Variants in RTKN2 observed in about 807,000 individuals in gnomAD.
The protein encoded by RTKN2 is rhotekin-2.
Under a neutral mutation model 71.5 loss-of-function variants are expected in RTKN2, and 69 were observed. The observed-to-expected ratio is 0.96, with a 90% confidence interval of 0.79 to 1.18. The LOEUF is 1.18. Among genes scored for constraint, RTKN2 ranks in the 50% most tolerant of loss-of-function variants. The pLI is 0.00. For synonymous variants in RTKN2, 236 were observed against 236.5 expected (o/e 1.00, Z 0.02); for missense variants, 724 against 719.7 (o/e 1.01, Z -0.07).
chr10:62,234,163 G>T (rs1271241925), intron 6 of RTKN2, among the ~76,000 whole-genome samples: 1 of 152,072 alleles, frequency 6.6e-6, no homozygotes, highest in African/African-American at 2.4e-5. Flanking sequence ...CAGCTTAACG[G>T]TTTCCCACTG....
intron 6 of RTKN2, among the ~76,000 whole-genome samples, chr10:62,226,057 C>CA (rs1842016681): frequency 6.6e-6 from 1 of 152,176 alleles, no homozygotes; most frequent in African/African-American, 2.4e-5. Context: ...GCTGGGATTA[C>CA]AGGTGTGAGC....
chr10:62,251,212 C>T (rs1842574509), intron 2 of RTKN2, among the ~76,000 whole-genome samples: 1 of 152,156 alleles, frequency 6.6e-6, no homozygotes. Context: ...CACATCATCA[C>T]AAAAAGGGTA....
rs112383328 is a variant in RTKN2, at chr10:62,185,720, C to T, written c.862-1333G>A. ...GGTTTGGTTCCTTTAGGAAGAGACC[C>T]GGTTAACCTGACATCTGAATTCATG... On this transcript the variant is annotated intron_variant, in intron 8 of 8. Coordinates refer to the RTKN2 transcript ENST00000315289. 7.3e-3 allele frequency among the ~76,000 whole-genome samples: 1,118 copies of T among 152,296 alleles called. 16 individuals carry two copies. Among genetic ancestry groups the T allele is most frequent in the African/African-American group, 0.026 (1,067 of 41,560 alleles).
chr10:62,204,923 CA>C lies in RTKN2; in HGVS notation c.1119del (p.Phe373LeufsTer34). ...TGAAGATCTTCTCTATTGTCAACTG[CA>C]AAAATCTGAGTTATAGCTTGTCCAG... ...PVPGQAITQI[F>X]AVDNREDLQK... On this transcript the variant is annotated frameshift_variant, in exon 10 of 12. Coordinates refer to ENST00000373789, the MANE Select transcript of RTKN2 (RefSeq NM_145307.4). LOFTEE classifies it high-confidence loss of function. The C allele has an allele frequency of 6.2e-7, 1 of 1,602,380 alleles. No homozygotes were observed. The highest frequency in any genetic ancestry group is 1.1e-5 in the South Asian group (1 of 87,740).
intron 7 of RTKN2, among the ~76,000 whole-genome samples, chr10:62,221,381 T>G (rs1841902863): frequency 6.6e-6 from 1 of 151,714 alleles, no homozygotes; most frequent in African/African-American, 2.4e-5. Flanking sequence ...ACGGAATAGG[T>G]GAGACAAACA....
intron 6 of RTKN2, among the ~76,000 whole-genome samples, chr10:62,232,537 A>G (rs1842171438): frequency 6.6e-6 from 1 of 152,006 alleles, no homozygotes. Context: ...CCTGGGCTCA[A>G]GCAATTTGCC....
intron 10 of RTKN2, among the ~76,000 whole-genome samples, chr10:62,202,828 C>T (rs1280119891): frequency 6.6e-6 from 1 of 152,170 alleles, no homozygotes; most frequent in African/African-American, 2.4e-5. Flanking sequence ...CTGGTATTAT[C>T]ACCTTCATTT....
chr10:62,255,677 G>C (rs59312414), intron 2 of RTKN2, among the ~76,000 whole-genome samples: 28,219 of 152,156 alleles, frequency 0.19, 2,931 homozygotes, highest in African/African-American at 0.27. Flanking sequence ...TAACAGAATA[G>C]TCACCCAATT....
chr10:62,268,071 G>A (rs1379315472), intron 1 of RTKN2, among the ~76,000 whole-genome samples: 1 of 152,190 alleles, frequency 6.6e-6, no homozygotes, highest in East Asian at 1.9e-4. Flanking sequence ...TGCAGAGGTT[G>A]CTGTTTGCCT....
exon 9 of RTKN2, chr10:62,184,332 A>G: frequency 2.6e-6 from 4 of 1,540,208 alleles, no homozygotes; most frequent in Non-Finnish European, 3.5e-6. Flanking sequence ...CTATGTGAAG[A>G]GGAATTTGGA....
intron 11 of RTKN2, 39 bp from the exon 12 acceptor site, chr10:62,198,482 A>G: frequency 7.5e-7 from 1 of 1,325,052 alleles, no homozygotes; most frequent in South Asian, 1.5e-5. Flanking sequence ...GAAAAAATTC[A>G]AAAGCAGTAT....
At chr10:62,189,326 C>T (rs1175882241), downstream of RTKN2, among the ~76,000 whole-genome samples, 1 of 152,120 alleles carries the variant, frequency 6.6e-6, no homozygotes, top group Non-Finnish European at 1.5e-5. Context: ...AAAAAAATCA[C>T]CCCTGGTTGA....
chr10:62,239,321 C>T (rs1313906084), intron 5 of RTKN2: 1 of 170,464 alleles, frequency 5.9e-6, no homozygotes, highest in Non-Finnish European at 1.2e-5. Context: ...TATCAAATAA[C>T]ATTACAGGAT....
chr10:62,246,593 T>C (rs1008125016), intron 2 of RTKN2, among the ~76,000 whole-genome samples: 12 of 152,026 alleles, frequency 7.9e-5, no homozygotes, highest in Non-Finnish European at 1.6e-4. Context: ...AAGAACTAAG[T>C]GTATGTTAAA....
intron 6 of RTKN2, 27 bp downstream of exon 6, chr10:62,236,039 A>C: frequency 7.1e-7 from 1 of 1,412,378 alleles, no homozygotes; most frequent in Non-Finnish European, 1.0e-6. Flanking sequence ...TAATTATGTC[A>C]CCATAAATAC....
At chr10:62,233,043 T>G (rs962813494) in intron 6 of RTKN2, among the ~76,000 whole-genome samples, 1 of 152,208 alleles carries the variant, frequency 6.6e-6, no homozygotes, top group African/African-American at 2.4e-5. Context: ...TGTTTTTACA[T>G]GCTGTAAAGG....
chr10:62,203,614 G>C (rs1841491902), intron 10 of RTKN2, among the ~76,000 whole-genome samples: 1 of 152,160 alleles, frequency 6.6e-6, no homozygotes, highest in African/African-American at 2.4e-5. Context: ...CAGAGTGCTG[G>C]GATTACAGGC....
At chr10:62,189,933 C>G (rs1270526838), downstream of RTKN2, among the ~76,000 whole-genome samples, 1 of 151,242 alleles carries the variant, frequency 6.6e-6, no homozygotes, top group Non-Finnish European at 1.5e-5. Flanking sequence ...AAAACCAACT[C>G]ATACTTCAAG....
At chr10:62,227,786 G>A (rs1842060752) in intron 6 of RTKN2, among the ~76,000 whole-genome samples, 1 of 152,220 alleles carries the variant, frequency 6.6e-6, no homozygotes, top group Admixed American at 6.5e-5. Flanking sequence ...GGCAAGAGCT[G>A]TTGCAGGCCT....
Sources: gnomAD v4.1 joint callset for allele counts (sites outside exome capture counted in the v4.1 genomes callset) on GRCh38, gnomAD v4.1.1 for gene constraint, MANE v1.5 for transcripts, NCBI Gene and HGNC (gene_info 2026-07-23, HGNC 2026-07-21) for gene names.